The following UBN2 variants were observed in gnomAD, a reference collection of about 807,000 sequenced individuals.
The protein encoded by UBN2 is ubinuclein 2.
A neutral mutation model predicts 120.2 loss-of-function variants in UBN2; 35 were observed. The observed-to-expected ratio is 0.29, with a 90% CI of 0.22 to 0.39. The LOEUF is 0.39. UBN2 is among the 10% of genes least tolerant of loss of function. The pLI, the probability that UBN2 is intolerant of heterozygous loss-of-function variation, is 1.00. For synonymous variants in UBN2, 661 were observed against 648.7 expected (o/e 1.02, Z -0.29); for missense variants, 1,693 against 1,663.2 (o/e 1.02, Z -0.31).
At chr7:139,281,790 A>G (rs1387704187) in intron 13 of UBN2, among the ~76,000 whole-genome samples, 1 of 152,222 alleles carries the variant, frequency 6.6e-6, no homozygotes, top group Non-Finnish European at 1.5e-5. Context: ...AATTTTCACT[A>G]ATCATGTAAG....
chr7:139,240,779 A>G lies in UBN2; in HGVS notation c.561+3682A>G, dbSNP rs372691059. Among the ~76,000 whole-genome samples, 75 of 152,260 alleles carry G rather than the reference A, an allele frequency of 4.9e-4. 2 individuals are homozygous for G. In the South Asian group the frequency reaches 0.012, roughly 25 times the overall value. ...GTTATGTTGTTCTTATGCTCAGGTA[A>G]TGTGACAGTTCATATTCAGCATCAA... On this transcript the variant is annotated intron_variant, in intron 2 of 17. Coordinates refer to ENST00000473989, the MANE Select transcript of UBN2 (RefSeq NM_173569.4).
At chr7:139,297,385 C>CAAA (rs113390602) in intron 17 of UBN2, among the ~76,000 whole-genome samples, 1 of 129,510 alleles carries the variant, frequency 7.7e-6, no homozygotes, top group African/African-American at 2.8e-5. Context: ...ATTTCACTTA[C>CAAA]AAAAAAAAAA....
chr7:139,282,517 C>T (rs955877861), intron 14 of UBN2, among the ~76,000 whole-genome samples: 7 of 152,100 alleles, frequency 4.6e-5, no homozygotes, highest in African/African-American at 7.2e-5. Flanking sequence ...GCCACTTTGA[C>T]GTACCAGTTT....
chr7:139,320,857 A>G, the UBN2 span, among the ~76,000 whole-genome samples: 2 of 149,816 alleles, frequency 1.3e-5, no homozygotes, highest in South Asian at 2.1e-4. Context: ...CTCCGTCTCA[A>G]AAAAAAAAAA....
chr7:139,312,050 T>TC (rs1798455437), downstream of UBN2, among the ~76,000 whole-genome samples: 3 of 152,220 alleles, frequency 2.0e-5, no homozygotes, highest in Admixed American at 1.3e-4. Flanking sequence ...TTTCTTACTT[T>TC]GTACTCAAAT....
In UBN2 at chr7:139,267,581, A is replaced by G. The variant is rs561216102; in HGVS notation, c.1466+1178A>G. On this transcript the variant is annotated intron_variant, in intron 7 of 17. Transcript: ENST00000473989. ...AAGAGAGAAGGAAAAGGGAAATAAAAGGAAAAGGAAAGTAATATTTATAAT... is the reference window on the plus strand; with the variant it reads ...AAGAGAGAAGGAAAAGGGAAATAAAGGGAAAAGGAAAGTAATATTTATAAT... Among the ~76,000 whole-genome samples the G allele has an allele frequency of 2.1e-3, 323 of 152,150 alleles. 2 individuals carry two copies. Among genetic ancestry groups the G allele is most frequent in the African/African-American group, 7.4e-3 (308 of 41,518 alleles).
intron 13 of UBN2, among the ~76,000 whole-genome samples, chr7:139,280,114 C>T (rs558535015): frequency 2.0e-5 from 3 of 152,144 alleles, no homozygotes; most frequent in South Asian, 4.1e-4. Context: ...GTATAACGTG[C>T]CCTCTTCAGA....
At chr7:139,253,837 C>T (rs1796685313) in intron 3 of UBN2, among the ~76,000 whole-genome samples, 2 of 152,198 alleles carry the variant, frequency 1.3e-5, no homozygotes, top group South Asian at 4.1e-4. Flanking sequence ...GAAGGTGACA[C>T]TAGGTGACTA....
intron 7 of UBN2, among the ~76,000 whole-genome samples, chr7:139,269,051 A>G (rs184861554): frequency 2.2e-4 from 34 of 152,264 alleles, no homozygotes; most frequent in Non-Finnish European, 3.7e-4. Flanking sequence ...TACTAAAAAT[A>G]CAAAAAACTT....
intron 7 of UBN2, among the ~76,000 whole-genome samples, chr7:139,267,912 C>G (rs989992937): frequency 1.3e-5 from 2 of 152,206 alleles, no homozygotes; most frequent in Admixed American, 1.3e-4. Flanking sequence ...TTTAAAACCC[C>G]GGACTCAGTG....
At chr7:139,289,916 C>CAGAGT (rs1797902054) in intron 15 of UBN2, among the ~76,000 whole-genome samples, 1 of 149,888 alleles carries the variant, frequency 6.7e-6, no homozygotes, top group African/African-American at 2.4e-5. Context: ...TTTTCCGAGA[C>CAGAGT]AGAGTCTTGC....
chr7:139,237,608 C>G (rs916866414), intron 2 of UBN2, among the ~76,000 whole-genome samples: 1 of 152,120 alleles, frequency 6.6e-6, no homozygotes, highest in Admixed American at 6.6e-5. Context: ...CATATATTAT[C>G]TCCAATCTTT....
chr7:139,284,066 C>T lies in UBN2; in HGVS notation c.3161C>T (p.Ser1054Leu), dbSNP rs369208280. 20 of 1,614,022 alleles carry T rather than the reference C, an allele frequency of 1.2e-5. No homozygotes were observed. Among genetic ancestry groups the T allele is most frequent in the East Asian group, 4.5e-5 (2 of 44,896 alleles). The part of the protein sequence containing the change: ...KPATSPKPLP[S>L]PKPSASPKPS... Reference sequence around the variant, plus strand: ...GCCACATCTCCTAAACCCCTGCCCTCGCCTAAGCCTTCTGCCTCACCCAAG... The same window carrying T: ...GCCACATCTCCTAAACCCCTGCCCTTGCCTAAGCCTTCTGCCTCACCCAAG... The change falls in exon 15 of 18, where the codon TCG (serine) becomes TTG (leucine). Residue 1054 changes from serine to leucine, a missense_variant. Coordinates refer to ENST00000473989, the MANE Select transcript of UBN2 (RefSeq NM_173569.4).
In UBN2 at chr7:139,282,037, T is replaced by C. The variant is rs1797628224; in HGVS notation, c.2100T>C (p.Ser700=). The C allele has an allele frequency of 1.2e-6, 2 of 1,613,358 alleles. No homozygotes were observed. Among genetic ancestry groups the C allele is most frequent in the African/African-American group, 2.7e-5 (2 of 74,916 alleles). Residue 700 remains serine, a synonymous_variant, in exon 14 of 18, where the codon TCT becomes TCC. Coordinates refer to ENST00000473989, the MANE Select transcript of UBN2 (RefSeq NM_173569.4). ...EVMVKTLPLH[S]FPTMLKECSP... ...TGGTAAAGACCCTTCCTCTCCATTC[T>C]TTCCCCACTATGCTTAAGGTAAGTG...
intron 12 of UBN2, among the ~76,000 whole-genome samples, chr7:139,278,711 TTAGCCAAGTGAAA>T (rs1391195975): frequency 1.3e-5 from 2 of 152,192 alleles, no homozygotes; most frequent in Non-Finnish European, 2.9e-5. Flanking sequence ...TGATGACATT[TTAGCCAAGTGAAA>T]TAGGCAAGGT....
Position 139,237,114 on chromosome 7 carries a change from G to C in UBN2, c.561+17G>C. 1 of 1,561,320 alleles carries C rather than the reference G, an allele frequency of 6.4e-7. No individual in the cohort carries two copies. The highest frequency in any genetic ancestry group is 8.8e-7 in the Non-Finnish European group (1 of 1,138,536). ...ATGAAATATGTGAGTATAATAAACT[G>C]ATCACTTAGGTAATTTTATCCTATT... On this transcript the variant is annotated intron_variant, in intron 2 of 17. Coordinates refer to ENST00000473989, the MANE Select transcript of UBN2 (RefSeq NM_173569.4).
At position 139,263,766 on chromosome 7, in the gene UBN2, C is replaced by CAA. The variant is rs34511009; in HGVS notation, c.1395+2042_1395+2043dup. On this transcript the variant is annotated intron_variant, in intron 6 of 17. Coordinates refer to ENST00000473989, the MANE Select transcript of UBN2 (RefSeq NM_173569.4). ...TGAGCAACCAAGCAAGACTCCATCTCAAAAAAAAAAAAAAAAAATAGGAAT... is the reference window on the plus strand; with the variant it reads ...TGAGCAACCAAGCAAGACTCCATCTCAAAAAAAAAAAAAAAAAAAATAGGAAT... Among the ~76,000 whole-genome samples the CAA allele has an allele frequency of 2.4e-3, 154 of 64,838 alleles. 1 individual carries two copies. Among genetic ancestry groups the CAA allele is most frequent in the South Asian group, 0.014 (28 of 2,052 alleles). The allele number at this position is 64,838 out of a possible 152,430, so 42.5% of individuals were successfully genotyped here.
chr7:139,284,558 TAAC>T lies in UBN2; in HGVS notation c.3655_3657del (p.Thr1219del), dbSNP rs748685203. The T allele has an allele frequency of 1.2e-6, 2 of 1,611,020 alleles. No homozygotes were observed. The highest frequency in any genetic ancestry group is 4.5e-5 in the East Asian group (2 of 44,842). ...TCCACTGCCTCAGGGTCTTCAGTGGTAACAGCCAGTGTGCAGGTATGTATGTTC... is the reference window on the plus strand; with the variant it reads ...TCCACTGCCTCAGGGTCTTCAGTGGTAGCCAGTGTGCAGGTATGTATGTTC... On this transcript the variant is annotated inframe_deletion, in exon 15 of 18. Transcript: ENST00000473989.
chr7:139,259,137 C>T, intron 4 of UBN2, 130 bp from the exon 5 acceptor site: 1 of 1,354,882 alleles, frequency 7.4e-7, no homozygotes. Flanking sequence ...CCCCAAGGAT[C>T]TGCAGTTATA....
Sources: gnomAD v4.1 joint callset for allele counts (sites outside exome capture counted in the v4.1 genomes callset) on GRCh38, gnomAD v4.1.1 for gene constraint, MANE v1.5 for transcripts, NCBI Gene and HGNC (gene_info 2026-07-23, HGNC 2026-07-21) for gene names.